Variants in CDH12 observed in about 807,000 individuals in gnomAD.
The protein encoded by CDH12 is cadherin 12.
Under a neutral mutation model 74.1 loss-of-function variants are expected in CDH12, and 41 were observed. That is an observed-to-expected ratio of 0.55 (90% CI 0.43 to 0.72). The LOEUF (loss-of-function observed/expected upper bound fraction) is 0.72, where lower values mean the gene tolerates loss of function less well. CDH12 is among the 30% of genes least tolerant of loss of function. The pLI, the probability that CDH12 is intolerant of heterozygous loss-of-function variation, is 0.00. For synonymous variants in CDH12, 399 were observed against 355.0 expected (o/e 1.12, Z -1.39); for missense variants, 945 against 977.2 (o/e 0.97, Z 0.44).
intron 1 of CDH12, among the ~76,000 whole-genome samples, chr5:22,800,786 A>T (rs577135737): frequency 2.0e-5 from 3 of 151,944 alleles, no homozygotes; most frequent in African/African-American, 4.9e-5. Context: ...ATATATTCTA[A>T]GTCATATAAT....
chr5:22,425,861 C>G (rs1301681292), intron 2 of CDH12, among the ~76,000 whole-genome samples: 1 of 152,162 alleles, frequency 6.6e-6, no homozygotes, highest in South Asian at 2.1e-4. Context: ...GACACAGGTT[C>G]ACATGTTCCT....
intron 1 of CDH12, among the ~76,000 whole-genome samples, chr5:22,723,621 T>C (rs1040583438): frequency 2.6e-5 from 4 of 152,152 alleles, no homozygotes; most frequent in African/African-American, 9.6e-5. Context: ...ATCATCATTC[T>C]AGAAGTCTAG....
chr5:22,360,273 C>T, intron 3 of CDH12, among the ~76,000 whole-genome samples: 1 of 152,154 alleles, frequency 6.6e-6, no homozygotes, highest in Non-Finnish European at 1.5e-5. Flanking sequence ...CACAGAAATA[C>T]AAAGTACCAT....
intron 1 of CDH12, among the ~76,000 whole-genome samples, chr5:22,536,693 A>G (rs565175487): frequency 1.3e-5 from 2 of 152,340 alleles, no homozygotes; most frequent in Admixed American, 6.5e-5. Flanking sequence ...GAAAACATAC[A>G]TAGCTAACAG....
chr5:22,698,981 T>G (rs1236448785), intron 1 of CDH12, among the ~76,000 whole-genome samples: 1 of 151,854 alleles, frequency 6.6e-6, no homozygotes, highest in African/African-American at 2.4e-5. Flanking sequence ...AATTGTGTAT[T>G]CTGTGAACAG....
intron 5 of CDH12, among the ~76,000 whole-genome samples, chr5:22,020,732 A>G (rs1053271030): frequency 2.6e-5 from 4 of 151,766 alleles, no homozygotes; most frequent in Non-Finnish European, 5.9e-5. Flanking sequence ...GAGGCCATCA[A>G]TTGTATTGAG....
intron 10 of CDH12, among the ~76,000 whole-genome samples, chr5:21,798,997 G>A (rs886921797): frequency 2.0e-5 from 3 of 152,110 alleles, no homozygotes; most frequent in African/African-American, 7.2e-5. Context: ...AATGTTCAAG[G>A]ATATTCTGTT....
At chr5:22,368,650 A>G (rs184592340) in intron 3 of CDH12, among the ~76,000 whole-genome samples, 4 of 152,272 alleles carry the variant, frequency 2.6e-5, no homozygotes, top group African/African-American at 9.6e-5. Context: ...TTGCCTTAAC[A>G]TATATCTATA....
At chr5:22,563,076 T>TA (rs1739137849) in intron 1 of CDH12, among the ~76,000 whole-genome samples, 1 of 147,210 alleles carries the variant, frequency 6.8e-6, no homozygotes, top group African/African-American at 2.5e-5. Context: ...ATTTATATAT[T>TA]TATATATATA....
intron 1 of CDH12, among the ~76,000 whole-genome samples, chr5:22,612,561 G>T (rs1275171398): frequency 3.3e-5 from 5 of 152,028 alleles, no homozygotes; most frequent in South Asian, 4.1e-4. Flanking sequence ...TATGTTATTT[G>T]AGATGTAGAT....
intron 6 of CDH12, among the ~76,000 whole-genome samples, chr5:21,888,567 G>A (rs1384552292): frequency 6.7e-6 from 1 of 148,410 alleles, no homozygotes; most frequent in Non-Finnish European, 1.5e-5. Flanking sequence ...TTGTGTACAT[G>A]TACCCTAGAA....
At chr5:22,414,996 A>G (rs1394876623) in intron 2 of CDH12, among the ~76,000 whole-genome samples, 1 of 152,124 alleles carries the variant, frequency 6.6e-6, no homozygotes, top group Non-Finnish European at 1.5e-5. Context: ...CATTTCTATT[A>G]CTAAAATATG....
intron 3 of CDH12, among the ~76,000 whole-genome samples, chr5:22,357,515 C>T (rs540396674): frequency 1.3e-5 from 2 of 151,968 alleles, no homozygotes; most frequent in East Asian, 1.9e-4. Flanking sequence ...CGTTATCTAC[C>T]TAATGAAGGA....
chr5:22,748,242 G>T (rs1199133994), intron 1 of CDH12, among the ~76,000 whole-genome samples: 1 of 152,110 alleles, frequency 6.6e-6, no homozygotes, highest in Non-Finnish European at 1.5e-5. Context: ...GTGTCACACT[G>T]TTTTAAGTGA....
chr5:22,752,230 A>G lies in CDH12; in HGVS notation c.-523+100828T>C, dbSNP rs192617224. Among the ~76,000 whole-genome samples, 16 of 152,342 alleles carry G rather than the reference A, an allele frequency of 1.1e-4. No homozygotes were observed. In the East Asian group the frequency reaches 2.7e-3, roughly 26 times the overall value. On this transcript the variant is annotated intron_variant, in intron 1 of 14. Transcript: ENST00000382254. ...CATTATGGAAAATGTTTGCACTTAA[A>G]AACCCACAGAGATTTTTTAAAACAT...
intron 2 of CDH12, among the ~76,000 whole-genome samples, chr5:22,441,041 C>A (rs1340728183): frequency 6.6e-6 from 1 of 152,110 alleles, no homozygotes; most frequent in Non-Finnish European, 1.5e-5. Flanking sequence ...CACTTCTGGT[C>A]ATTTGCTTTT....
chr5:22,618,282 C>T (rs1174411968), intron 1 of CDH12, among the ~76,000 whole-genome samples: 1 of 152,108 alleles, frequency 6.6e-6, no homozygotes, highest in Admixed American at 6.6e-5. Flanking sequence ...AGAATTGCTA[C>T]ATTTTCAGGC....
chr5:21,763,249 T>A (rs1265101593), intron 12 of CDH12, among the ~76,000 whole-genome samples: 1 of 152,152 alleles, frequency 6.6e-6, no homozygotes, highest in Non-Finnish European at 1.5e-5. Context: ...GTTATGAAAA[T>A]ACTCTATGTC....
intron 1 of CDH12, among the ~76,000 whole-genome samples, chr5:22,758,784 C>G (rs1344780225): frequency 1.3e-5 from 2 of 152,054 alleles, no homozygotes; most frequent in Non-Finnish European, 2.9e-5. Flanking sequence ...AATGGAAGGG[C>G]TATGAAATTG....
Sources: allele counts gnomAD v4.1 joint callset (sites outside exome capture counted in the v4.1 genomes callset), GRCh38; gene constraint gnomAD v4.1.1; transcripts MANE v1.5; gene names NCBI Gene and HGNC (gene_info 2026-07-23, HGNC 2026-07-21).